Variants in GABRB3 observed in about 807,000 individuals in gnomAD.
GABRB3 encodes the protein gamma-aminobutyric acid receptor subunit beta-3.
Under a neutral mutation model 52.1 loss-of-function variants are expected in GABRB3, and 14 were observed. The observed-to-expected ratio is 0.27, with a 90% CI of 0.18 to 0.42. The LOEUF is 0.42. Among genes scored for constraint, GABRB3 ranks in the 10% least tolerant of loss-of-function variants. GABRB3 has a pLI of 1.00. For synonymous variants in GABRB3, 260 were observed against 232.3 expected, an observed-to-expected ratio of 1.12 and a Z score of -1.08; for missense variants, 307 against 609.1, an observed-to-expected ratio of 0.50 and a Z score of 5.22.
chr15:26,756,738 T>C (rs1400703922), intron 3 of GABRB3, among the ~76,000 whole-genome samples: 3 of 152,118 alleles, frequency 2.0e-5, no homozygotes, highest in Non-Finnish European at 4.4e-5. Context: ...AGATCATGTA[T>C]AGAGTTCACA....
At chr15:26,718,210 A>AT (rs1889548329) in intron 3 of GABRB3, among the ~76,000 whole-genome samples, 1 of 152,026 alleles carries the variant, frequency 6.6e-6, no homozygotes, top group Admixed American at 6.6e-5. Context: ...TTATTTATTT[A>AT]TTTATTTATT....
intron 4 of GABRB3, 112 bp from the exon 5 acceptor site, chr15:26,583,526 C>T: frequency 2.5e-6 from 2 of 785,604 alleles, no homozygotes; most frequent in Non-Finnish European, 2.3e-6. Flanking sequence ...CAAAGTACGC[C>T]TGGCTAAACA....
intron 8 of GABRB3, among the ~76,000 whole-genome samples, chr15:26,549,374 G>C (rs1227999226): frequency 1.3e-5 from 2 of 152,128 alleles, no homozygotes; most frequent in Non-Finnish European, 2.9e-5. Flanking sequence ...TGTGACACAG[G>C]AAGGGCTGCA....
chr15:26,587,458 G>T (rs1287203334), intron 4 of GABRB3, among the ~76,000 whole-genome samples: 1 of 152,166 alleles, frequency 6.6e-6, no homozygotes, highest in Non-Finnish European at 1.5e-5. Context: ...GGAGCAGAGC[G>T]AATAAAGTAG....
chr15:26,569,696 T>A (rs1890320032), intron 6 of GABRB3, among the ~76,000 whole-genome samples: 1 of 152,236 alleles, frequency 6.6e-6, no homozygotes, highest in Non-Finnish European at 1.5e-5. Flanking sequence ...ATAAATATTG[T>A]CAAATTACTT....
intron 8 of GABRB3, among the ~76,000 whole-genome samples, chr15:26,554,036 T>TC (rs60406667): frequency 1.3e-5 from 1 of 79,384 alleles, no homozygotes; most frequent in Non-Finnish European, 2.3e-5. Context: ...TATATATATA[T>TC]TTATTTATTT....
At chr15:26,750,588 A>C (rs1361098030) in intron 3 of GABRB3, among the ~76,000 whole-genome samples, 1 of 152,202 alleles carries the variant, frequency 6.6e-6, no homozygotes, top group Non-Finnish European at 1.5e-5. Context: ...ACTCAGAGAC[A>C]AGTGAATTAA....
chr15:26,634,985 A>AAC (rs1893012073), intron 3 of GABRB3, among the ~76,000 whole-genome samples: 2 of 5,840 alleles, frequency 3.4e-4, no homozygotes, highest in Non-Finnish European at 1.5e-3. Context: ...TGTATCTCTA[A>AAC]ATATATATAT....
chr15:26,607,675 T>C lies in GABRB3; in HGVS notation c.461+13639A>G, dbSNP rs1891888990. Among the ~76,000 whole-genome samples the C allele has an allele frequency of 3.9e-5, 6 of 151,960 alleles. No homozygotes were observed. In the South Asian group the frequency reaches 1.2e-3, roughly 31 times the overall value. Reference sequence around the variant, plus strand: ...ACATTAATAGTAGTGTTTCTATAAATTAACACTAAACTATCTGAAAAAAAT... The same window carrying C: ...ACATTAATAGTAGTGTTTCTATAAACTAACACTAAACTATCTGAAAAAAAT... On this transcript the variant is annotated intron_variant, in intron 4 of 8. Transcript: ENST00000311550.
intron 8 of GABRB3, among the ~76,000 whole-genome samples, chr15:26,554,876 A>C (rs2140664785): frequency 6.6e-6 from 1 of 152,236 alleles, no homozygotes; most frequent in East Asian, 1.9e-4. Context: ...AGTGGTAGGC[A>C]AAAAAAGTCA....
chr15:26,579,916 T>C (rs1890726384), intron 6 of GABRB3, among the ~76,000 whole-genome samples: 1 of 152,168 alleles, frequency 6.6e-6, no homozygotes, highest in African/African-American at 2.4e-5. Flanking sequence ...CTAACCCCAG[T>C]GGAGCAAAGG....
intron 3 of GABRB3, among the ~76,000 whole-genome samples, chr15:26,763,488 T>G (rs575758919): frequency 6.6e-6 from 1 of 152,146 alleles, no homozygotes; most frequent in African/African-American, 2.4e-5. Context: ...TGGCCTGATA[T>G]ATGGATTTAT....
rs149414907 is a variant in GABRB3 at position 26,719,283 on chromosome 15, G to A, written c.240+53119C>T. 1.0e-3 allele frequency among the ~76,000 whole-genome samples: 158 copies of A among 152,304 alleles called. 1 individual carries two copies. The highest frequency in any genetic ancestry group is 3.4e-3 in the Middle Eastern group (1 of 294). ...GTGAAGGAACGACCCTGCTCAGCAC[G>A]GACTGTTCCAGGACTCCGCACACGC... On this transcript the variant is annotated intron_variant, in intron 3 of 8. Coordinates refer to ENST00000311550, the MANE Select transcript of GABRB3 (RefSeq NM_000814.6).
chr15:26,733,017 C>G (rs1889974732), intron 3 of GABRB3, among the ~76,000 whole-genome samples: 1 of 150,120 alleles, frequency 6.7e-6, no homozygotes. Flanking sequence ...AAAAAAAAAG[C>G]CATATATGAA....
chr15:26,692,793 T>C (rs1293995352), intron 3 of GABRB3, among the ~76,000 whole-genome samples: 2 of 152,242 alleles, frequency 1.3e-5, no homozygotes, highest in African/African-American at 2.4e-5. Context: ...TATAAATGCA[T>C]GTACACTAGG....
At chr15:26,643,117 A>G (rs1893251987) in intron 3 of GABRB3, among the ~76,000 whole-genome samples, 1 of 152,174 alleles carries the variant, frequency 6.6e-6, no homozygotes, top group African/African-American at 2.4e-5. Flanking sequence ...ATCTAACATA[A>G]GAAGGTTATC....
intron 4 of GABRB3, among the ~76,000 whole-genome samples, chr15:26,597,603 A>G (rs2140772672): frequency 6.6e-6 from 1 of 152,344 alleles, no homozygotes. Flanking sequence ...CTAGATGAGC[A>G]GAGAAATGGA....
At chr15:26,650,287 T>C (rs907007223) in intron 3 of GABRB3, among the ~76,000 whole-genome samples, 1 of 152,060 alleles carries the variant, frequency 6.6e-6, no homozygotes, top group African/African-American at 2.4e-5. Flanking sequence ...TCAAAAGTGG[T>C]GTCAAGTTGG....
At chr15:26,688,089 T>G (rs1164212007) in intron 3 of GABRB3, among the ~76,000 whole-genome samples, 2 of 152,190 alleles carry the variant, frequency 1.3e-5, no homozygotes, top group African/African-American at 4.8e-5. Flanking sequence ...ACGACAAGAC[T>G]GGTCATTTGA....
Sources: gnomAD v4.1 joint callset for allele counts (sites outside exome capture counted in the v4.1 genomes callset) on GRCh38, gnomAD v4.1.1 for gene constraint, MANE v1.5 for transcripts, NCBI Gene and HGNC (gene_info 2026-07-23, HGNC 2026-07-21) for gene names.